SEMA3A: variants seen among roughly 807,000 people sequenced by gnomAD.
SEMA3A encodes semaphorin 3A.
SEMA3A carries 29 observed loss-of-function variants against 97.9 expected under a neutral mutation model. The ratio of observed to expected loss-of-function variants is 0.30; its 90% confidence interval spans 0.22 to 0.40. SEMA3A has a LOEUF of 0.40. Among genes scored for constraint, SEMA3A ranks in the 10% least tolerant of loss-of-function variants. SEMA3A has a pLI of 1.00. For synonymous variants in SEMA3A, 321 were observed against 323.7 expected (o/e 0.99, Z 0.09); for missense variants, 763 against 951.3 (o/e 0.80, Z 2.60).
intron 1 of SEMA3A, among the ~76,000 whole-genome samples, chr7:84,181,749 A>G (rs1797742641): frequency 6.6e-6 from 1 of 152,182 alleles, no homozygotes; most frequent in Non-Finnish European, 1.5e-5. Flanking sequence ...AACCGCAGAC[A>G]GTCTCAGTTT....
chr7:84,163,556 C>A (rs1797109447), intron 1 of SEMA3A, among the ~76,000 whole-genome samples: 1 of 151,994 alleles, frequency 6.6e-6, no homozygotes, highest in Non-Finnish European at 1.5e-5. Context: ...ATACCTTGAA[C>A]AAAATGATAT....
At chr7:84,303,288 C>A (rs933433272) in intron 3 of SEMA3A, among the ~76,000 whole-genome samples, 3 of 152,070 alleles carry the variant, frequency 2.0e-5, no homozygotes, top group Admixed American at 1.3e-4. Flanking sequence ...ACTAAGGTTG[C>A]TTGTTACTAA....
chr7:84,146,727 G>A (rs1796472387), intron 1 of SEMA3A, among the ~76,000 whole-genome samples: 1 of 152,280 alleles, frequency 6.6e-6, no homozygotes, highest in Non-Finnish European at 1.5e-5. Context: ...TAGAATTAAA[G>A]TGTAGATTCT....
At chr7:84,409,983 T>G (rs1289228047) in intron 1 of SEMA3A, among the ~76,000 whole-genome samples, 1 of 152,120 alleles carries the variant, frequency 6.6e-6, no homozygotes, top group African/African-American at 2.4e-5. Context: ...CTTTCATTTT[T>G]GTTATTTGGA....
At chr7:84,037,839 C>G (rs1404237917) in intron 6 of SEMA3A, among the ~76,000 whole-genome samples, 1 of 151,390 alleles carries the variant, frequency 6.6e-6, no homozygotes, top group Non-Finnish European at 1.5e-5. Context: ...TAAGAAAGTA[C>G]CATAGGAAAC....
intron 1 of SEMA3A, among the ~76,000 whole-genome samples, chr7:84,405,375 T>G (rs926307825): frequency 6.6e-6 from 1 of 152,068 alleles, no homozygotes; most frequent in South Asian, 2.1e-4. Context: ...CCCAATACAT[T>G]AACACCCAGA....
At chr7:84,196,645 C>G (rs971792673), upstream of SEMA3A, among the ~76,000 whole-genome samples, 1 of 152,158 alleles carries the variant, frequency 6.6e-6, no homozygotes, top group Non-Finnish European at 1.5e-5. Flanking sequence ...GGCACTTTCA[C>G]GCTCTAGGCA....
chr7:84,051,096 T>A (rs1398462512), intron 5 of SEMA3A, among the ~76,000 whole-genome samples: 1 of 151,106 alleles, frequency 6.6e-6, no homozygotes, highest in Non-Finnish European at 1.5e-5. Flanking sequence ...AGTACCATGC[T>A]GTTTTGGTTA....
chr7:84,397,149 C>A (rs1327419072), intron 1 of SEMA3A, among the ~76,000 whole-genome samples: 3 of 151,762 alleles, frequency 2.0e-5, no homozygotes, highest in Non-Finnish European at 4.4e-5. Context: ...TTTCAAAAAC[C>A]TAAGGCTATT....
chr7:84,178,397 A>G (rs73382860), intron 1 of SEMA3A, among the ~76,000 whole-genome samples: 1,523 of 152,226 alleles, frequency 0.01, 35 homozygotes, highest in African/African-American at 0.035. Flanking sequence ...TGTCTCATCC[A>G]TACACATTTT....
Position 84,248,225 on chromosome 7 carries a change from G to A in SEMA3A, c.-82-53557C>T, listed in dbSNP as rs183880594. On this transcript the variant is annotated intron_variant, in intron 3 of 3. Transcript: ENST00000424555. The stretch of plus-strand genomic sequence containing the variant: ...TGTTGATATTTTCCCTCAATTCTCC[G>A]CTTTCTCTTCAAATAACTTTTAGCT... 1.7e-3 allele frequency among the ~76,000 whole-genome samples: 253 copies of A among 152,164 alleles called. 1 individual carries two copies. Among genetic ancestry groups the A allele is most frequent in the South Asian group, 0.011 (51 of 4,832 alleles).
At chr7:84,070,163 A>G (rs991000250) in intron 4 of SEMA3A, among the ~76,000 whole-genome samples, 4 of 152,178 alleles carry the variant, frequency 2.6e-5, no homozygotes, top group Non-Finnish European at 5.9e-5. Context: ...ATAAAACTTT[A>G]GCTATACTGA....
At chr7:84,202,107 C>A (rs750235753) in intron 3 of SEMA3A, among the ~76,000 whole-genome samples, 12 of 152,034 alleles carry the variant, frequency 7.9e-5, no homozygotes, top group Non-Finnish European at 1.6e-4. Flanking sequence ...GAGTGTAGTT[C>A]TCATTGTGTA....
chr7:84,023,955 T>C (rs2116446724), intron 6 of SEMA3A, among the ~76,000 whole-genome samples: 1 of 144,058 alleles, frequency 6.9e-6, no homozygotes, highest in East Asian at 2.1e-4. Flanking sequence ...GAGCTTGCAG[T>C]GAACGGAGAT....
At chr7:84,415,099 G>C (rs1011128941) in intron 1 of SEMA3A, among the ~76,000 whole-genome samples, 3 of 152,104 alleles carry the variant, frequency 2.0e-5, no homozygotes, top group Non-Finnish European at 4.4e-5. Context: ...TATTAAGATA[G>C]TATTGCTGGA....
intron 1 of SEMA3A, among the ~76,000 whole-genome samples, chr7:84,170,502 C>A (rs908834267): frequency 2.0e-5 from 3 of 151,734 alleles, no homozygotes; most frequent in African/African-American, 7.3e-5. Flanking sequence ...CTGTTATTTA[C>A]TATATTTACA....
At chr7:84,438,579 A>G (rs1805193751) in intron 1 of SEMA3A, among the ~76,000 whole-genome samples, 1 of 152,106 alleles carries the variant, frequency 6.6e-6, no homozygotes, top group Non-Finnish European at 1.5e-5. Flanking sequence ...TATGTGAATT[A>G]TCAAAGATTG....
rs1417379679 is a variant in SEMA3A at position 84,078,744 on chromosome 7, T to TTA, written c.454-18188_454-18187dup. Reference sequence around the variant, plus strand: ...TACATGTAATTATGTAATATATATGTTATATATACACATATATATACACAC... The same window carrying TTA: ...TACATGTAATTATGTAATATATATGTTATATATATACACATATATATACACAC... On this transcript the variant is annotated intron_variant, in intron 4 of 16. Transcript: ENST00000265362. Among the ~76,000 whole-genome samples the TTA allele has an allele frequency of 9.9e-5, 15 of 151,992 alleles. No homozygotes were observed. The South Asian group carries it at 2.5e-3, about 25-fold the overall frequency.
chr7:84,301,533 T>C (rs1035511843), intron 3 of SEMA3A, among the ~76,000 whole-genome samples: 4 of 152,132 alleles, frequency 2.6e-5, no homozygotes, highest in African/African-American at 9.7e-5. Flanking sequence ...AAAGACCTAT[T>C]TGGATAGCAC....
Sources: gnomAD v4.1 joint callset for allele counts (sites outside exome capture counted in the v4.1 genomes callset) on GRCh38, gnomAD v4.1.1 for gene constraint, MANE v1.5 for transcripts, NCBI Gene and HGNC (gene_info 2026-07-23, HGNC 2026-07-21) for gene names.